The following ARSG variants were observed in gnomAD, a reference collection of about 807,000 sequenced individuals.
The protein encoded by ARSG is ASG.
Under a neutral mutation model 50.5 loss-of-function variants are expected in ARSG, and 37 were observed. The ratio of observed to expected loss-of-function variants is 0.73; its 90% CI spans 0.56 to 0.96. The LOEUF is 0.96. Among genes scored for constraint, ARSG ranks in the 50% least tolerant of loss-of-function variants. The pLI, the probability that ARSG is intolerant of heterozygous loss-of-function variation, is 0.00. For synonymous variants in ARSG, 225 were observed against 254.6 expected, an observed-to-expected ratio of 0.88 and a Z score of 1.11; for missense variants, 629 against 675.3, an observed-to-expected ratio of 0.93 and a Z score of 0.76.
At chr17:68,301,681 C>G (rs1484366079) in intron 1 of ARSG, among the ~76,000 whole-genome samples, 5 of 152,154 alleles carry the variant, frequency 3.3e-5, no homozygotes, top group African/African-American at 1.2e-4. Flanking sequence ...CTTGCTGAAT[C>G]CCTCTGGCTT....
the ARSG span, among the ~76,000 whole-genome samples, chr17:68,431,046 G>A: frequency 1.9e-4 from 29 of 152,172 alleles, no homozygotes; most frequent in Admixed American, 3.3e-4. Context: ...TCTGTGATCC[G>A]AAGCATCCTG....
chr17:68,324,954 A>C (rs1217231044), intron 2 of ARSG, among the ~76,000 whole-genome samples: 1 of 152,072 alleles, frequency 6.6e-6, no homozygotes, highest in Non-Finnish European at 1.5e-5. Context: ...CTCTTACATA[A>C]TGAAATTATC....
chr17:68,449,795 G>A, the ARSG span, among the ~76,000 whole-genome samples: 1 of 152,148 alleles, frequency 6.6e-6, no homozygotes, highest in Non-Finnish European at 1.5e-5. Flanking sequence ...CCCAATCTCC[G>A]GTAGTTCTTT....
chr17:68,284,055 C>A (rs931023524), intron 1 of ARSG, among the ~76,000 whole-genome samples: 2 of 146,702 alleles, frequency 1.4e-5, no homozygotes, highest in African/African-American at 5.1e-5. Context: ...CACACCACTG[C>A]ACTCCAGCCT....
intron 1 of ARSG, among the ~76,000 whole-genome samples, chr17:68,259,689 T>C (rs1555744871): frequency 6.6e-6 from 1 of 152,262 alleles, no homozygotes; most frequent in Non-Finnish European, 1.5e-5. Context: ...CTGAATGTTT[T>C]ATGTCCTTTT....
intron 9 of ARSG, among the ~76,000 whole-genome samples, chr17:68,391,288 T>C (rs1343949387): frequency 2.0e-5 from 3 of 152,124 alleles, no homozygotes; most frequent in African/African-American, 7.2e-5. Context: ...CTTTTTCTGT[T>C]ACTTAAGGAA....
chr17:68,355,223 G>A lies in ARSG; in HGVS notation c.567-1444G>A, dbSNP rs146245878. On this transcript the variant is annotated intron_variant, in intron 5 of 11. Coordinates refer to ENST00000621439, the MANE Select transcript of ARSG (RefSeq NM_001267727.2). ...GTAAGGATGGCACAGGCCCTCCAATGCTACGGATAAGGAGATAACTCTGGG... is the reference window on the plus strand; with the variant it reads ...GTAAGGATGGCACAGGCCCTCCAATACTACGGATAAGGAGATAACTCTGGG... Among the ~76,000 whole-genome samples the A allele has an allele frequency of 2.1e-3, 319 of 152,314 alleles. 1 individual carries two copies. The highest frequency in any genetic ancestry group is 3.3e-3 in the Non-Finnish European group (222 of 68,018).
intron 9 of ARSG, among the ~76,000 whole-genome samples, chr17:68,389,272 C>A (rs72841849): frequency 6.6e-6 from 1 of 152,106 alleles, no homozygotes; most frequent in Non-Finnish European, 1.5e-5. Flanking sequence ...CTGTAAGAAG[C>A]GCTTGGTTTG....
At chr17:68,322,351 G>A (rs556365384) in intron 2 of ARSG, among the ~76,000 whole-genome samples, 27 of 152,248 alleles carry the variant, frequency 1.8e-4, no homozygotes, top group South Asian at 1.2e-3. Context: ...ATAGCTGGCC[G>A]GGCGCGGTGG....
the ARSG span, chr17:68,440,943 T>C: frequency 6.6e-6 from 1 of 152,234 alleles, no homozygotes; most frequent in Non-Finnish European, 1.5e-5. Flanking sequence ...TGCCCTATGC[T>C]CCTACAAAAG....
chr17:68,394,421 G>A (rs766732190), intron 9 of ARSG, among the ~76,000 whole-genome samples: 2 of 152,026 alleles, frequency 1.3e-5, no homozygotes, highest in South Asian at 2.1e-4. Context: ...AGGCAACATC[G>A]CAAGACCTTG....
chr17:68,376,006 TA>T (rs2080125212), intron 8 of ARSG, among the ~76,000 whole-genome samples: 1 of 152,186 alleles, frequency 6.6e-6, no homozygotes, highest in South Asian at 2.1e-4. Flanking sequence ...GTTGTTCAGT[TA>T]AGTAGCACTT....
chr17:68,377,758 C>G (rs1215775932), intron 8 of ARSG, among the ~76,000 whole-genome samples: 1 of 152,228 alleles, frequency 6.6e-6, no homozygotes, highest in Non-Finnish European at 1.5e-5. Flanking sequence ...ATACAGATAA[C>G]TTTAAAAGTG....
At chr17:68,344,187 G>A (rs537783811) in intron 3 of ARSG, among the ~76,000 whole-genome samples, 4 of 152,314 alleles carry the variant, frequency 2.6e-5, no homozygotes, top group African/African-American at 7.2e-5. Context: ...AAGGAAGGAA[G>A]AAGAGAAGGG....
At chr17:68,419,345 G>C (rs982167835) in intron 11 of ARSG, among the ~76,000 whole-genome samples, 1 of 152,202 alleles carries the variant, frequency 6.6e-6, no homozygotes, top group African/African-American at 2.4e-5. Context: ...CAGATCATGA[G>C]GTTAGGAGTT....
intron 1 of ARSG, among the ~76,000 whole-genome samples, chr17:68,282,089 T>C (rs1363288129): frequency 4.6e-5 from 7 of 152,130 alleles, no homozygotes; most frequent in Non-Finnish European, 1.0e-4. Flanking sequence ...CAGCAAAGAC[T>C]TGGAACCAAT....
intron 1 of ARSG, among the ~76,000 whole-genome samples, chr17:68,276,683 G>A (rs1202793450): frequency 6.6e-6 from 1 of 152,078 alleles, no homozygotes; most frequent in African/African-American, 2.4e-5. Flanking sequence ...CAAACTCTAG[G>A]GCTCAAGCAA....
intron 2 of ARSG, among the ~76,000 whole-genome samples, chr17:68,315,790 AC>A (rs1462024507): frequency 1.3e-5 from 2 of 151,908 alleles, no homozygotes; most frequent in African/African-American, 4.8e-5. Context: ...GTGCCACCAT[AC>A]CTGGCTAATT....
At chr17:68,272,723 A>G in intron 1 of ARSG, 1 of 1,614,188 alleles carries the variant, frequency 6.2e-7, no homozygotes, top group South Asian at 1.1e-5. Flanking sequence ...AAATATTGTG[A>G]TAGGATGGTT....
Sources: gnomAD v4.1 joint callset for allele counts (sites outside exome capture counted in the v4.1 genomes callset) on GRCh38, gnomAD v4.1.1 for gene constraint, MANE v1.5 for transcripts, NCBI Gene and HGNC (gene_info 2026-07-23, HGNC 2026-07-21) for gene names.